Variants in DLG2 observed in about 807,000 individuals in gnomAD.
DLG2 encodes the protein disks large homolog 2.
A neutral mutation model predicts 132.5 loss-of-function variants in DLG2; 45 were observed. The ratio of observed to expected loss-of-function variants is 0.34; its 90% CI spans 0.27 to 0.44. The LOEUF (loss-of-function observed/expected upper bound fraction) is 0.44. Among genes scored for constraint, DLG2 ranks in the 20% least tolerant of loss-of-function variants. The pLI is 1.00. For synonymous variants in DLG2, 424 were observed against 419.6 expected (o/e 1.01, Z -0.13); for missense variants, 1,045 against 1,196.9 (o/e 0.87, Z 1.87).
At chr11:85,356,836 G>A (rs72951917) in intron 3 of DLG2, among the ~76,000 whole-genome samples, 2 of 151,252 alleles carry the variant, frequency 1.3e-5, no homozygotes, top group African/African-American at 4.9e-5. Flanking sequence ...AGAGATGATA[G>A]ACAGACACAC....
intron 3 of DLG2, among the ~76,000 whole-genome samples, chr11:85,582,703 A>AAAC (rs1395435423): frequency 2.1e-5 from 3 of 140,958 alleles, no homozygotes; most frequent in African/African-American, 2.6e-5. Flanking sequence ...AAAAAAAAAA[A>AAAC]AACTCGTGCA....
Position 83,751,208 on chromosome 11 carries a change from G to T in DLG2, c.1825+35482C>A, listed in dbSNP as rs572606024. ...GATACTTTCAGAAATAACATTCTTG[G>T]CTAGAGAACAGCAAGGACCTGAGCT... On this transcript the variant is annotated intron_variant, in intron 18 of 27. Transcript: ENST00000376104. 3.9e-5 allele frequency among the ~76,000 whole-genome samples: 6 copies of T among 152,302 alleles called. No homozygotes were observed. In the South Asian group the frequency reaches 1.0e-3, roughly 26 times the overall value.
At chr11:84,538,354 C>CT (rs1227279743) in intron 6 of DLG2, among the ~76,000 whole-genome samples, 1 of 152,152 alleles carries the variant, frequency 6.6e-6, no homozygotes, top group African/African-American at 2.4e-5. Context: ...TCATGGAAAT[C>CT]TTTTTTACCC....
rs536525379 is a variant in DLG2, at chr11:84,964,459, G to A, written c.357+147202C>T. ...ACAATAATGAAAAAGCTATAATGTA[G>A]CCACTAAGTCCAATTCCATTTTCAT... On this transcript the variant is annotated intron_variant, in intron 6 of 27. Transcript: ENST00000376104. Among the ~76,000 whole-genome samples, 58 of 152,072 alleles carry A rather than the reference G, an allele frequency of 3.8e-4. 1 individual carries two copies. The highest frequency in any genetic ancestry group is 4.1e-4 in the Non-Finnish European group (28 of 67,948).
chr11:83,534,843 T>A (rs1410089620), intron 20 of DLG2, among the ~76,000 whole-genome samples: 1 of 152,240 alleles, frequency 6.6e-6, no homozygotes, highest in Non-Finnish European at 1.5e-5. Flanking sequence ...CGCGGGAGGC[T>A]GAGGCAGGAG....
intron 3 of DLG2, among the ~76,000 whole-genome samples, chr11:85,586,777 G>A (rs556890188): frequency 6.6e-5 from 10 of 152,120 alleles, no homozygotes; most frequent in African/African-American, 2.4e-4. Context: ...GTTCCTTCAG[G>A]TGTGACTTTA....
intron 19 of DLG2, among the ~76,000 whole-genome samples, chr11:83,553,391 T>C (rs1207504386): frequency 1.3e-5 from 2 of 151,962 alleles, no homozygotes; most frequent in Non-Finnish European, 2.9e-5. Context: ...TAAAACATGG[T>C]AGAAACTATC....
At chr11:83,746,665 A>G (rs75993327) in intron 18 of DLG2, among the ~76,000 whole-genome samples, 1 of 152,148 alleles carries the variant, frequency 6.6e-6, no homozygotes, top group African/African-American at 2.4e-5. Context: ...AAAATGGCAC[A>G]TGTATACATA....
At chr11:84,998,242 T>G (rs1422417113) in intron 6 of DLG2, among the ~76,000 whole-genome samples, 1 of 152,002 alleles carries the variant, frequency 6.6e-6, no homozygotes, top group Non-Finnish European at 1.5e-5. Context: ...TCCCCAGGTG[T>G]CAAGGGCAGG....
chr11:83,919,089 A>G (rs973308782), intron 15 of DLG2, among the ~76,000 whole-genome samples: 1 of 152,152 alleles, frequency 6.6e-6, no homozygotes. Context: ...TGTATTGTGA[A>G]AGTGTGGAAA....
chr11:84,746,530 C>T (rs1437256106), intron 6 of DLG2, among the ~76,000 whole-genome samples: 2 of 151,334 alleles, frequency 1.3e-5, no homozygotes, highest in African/African-American at 2.4e-5. Flanking sequence ...TTAGACAAGT[C>T]ACTTAACTCT....
At chr11:84,223,624 T>C (rs939898253) in intron 8 of DLG2, among the ~76,000 whole-genome samples, 3 of 151,730 alleles carry the variant, frequency 2.0e-5, no homozygotes, top group Non-Finnish European at 4.4e-5. Flanking sequence ...TGGCACAATA[T>C]TGGCTCACTG....
At chr11:85,316,965 C>A (rs1484720695) in intron 3 of DLG2, among the ~76,000 whole-genome samples, 1 of 151,588 alleles carries the variant, frequency 6.6e-6, no homozygotes, top group Non-Finnish European at 1.5e-5. Context: ...AAAAAAGATA[C>A]AACATAGCAC....
At chr11:83,593,594 T>A (rs1373765375) in intron 19 of DLG2, among the ~76,000 whole-genome samples, 1 of 150,804 alleles carries the variant, frequency 6.6e-6, no homozygotes, top group African/African-American at 2.4e-5. Flanking sequence ...TGTATACATA[T>A]GTAACTAACC....
intron 4 of DLG2, among the ~76,000 whole-genome samples, chr11:85,279,117 A>T (rs887296890): frequency 6.6e-6 from 1 of 152,196 alleles, no homozygotes; most frequent in Non-Finnish European, 1.5e-5. Flanking sequence ...AAGTCCAATA[A>T]AGAAGAAAAT....
chr11:84,401,219 A>G (rs2154446821), intron 7 of DLG2, among the ~76,000 whole-genome samples: 1 of 152,306 alleles, frequency 6.6e-6, no homozygotes, highest in Middle Eastern at 3.4e-3. Context: ...GATGCATAGT[A>G]TATTAAAGAA....
intron 14 of DLG2, among the ~76,000 whole-genome samples, chr11:83,953,806 T>C (rs1412005252): frequency 6.6e-6 from 1 of 152,198 alleles, no homozygotes; most frequent in Non-Finnish European, 1.5e-5. Context: ...AGAAATAAGC[T>C]TCACATTGTG....
intron 18 of DLG2, among the ~76,000 whole-genome samples, chr11:83,688,661 AAATT>A (rs1391113492): frequency 1.3e-5 from 2 of 152,222 alleles, no homozygotes; most frequent in African/African-American, 4.8e-5. Context: ...GTATATATAG[AAATT>A]AATATATATT....
At chr11:84,627,032 C>T (rs949250191) in intron 6 of DLG2, among the ~76,000 whole-genome samples, 8 of 151,770 alleles carry the variant, frequency 5.3e-5, no homozygotes, top group African/African-American at 1.7e-4. Flanking sequence ...CCACCACGCC[C>T]GCTAATTTTC....
Sources: gnomAD v4.1 joint callset for allele counts (sites outside exome capture counted in the v4.1 genomes callset) on GRCh38, gnomAD v4.1.1 for gene constraint, MANE v1.5 for transcripts, NCBI Gene and HGNC (gene_info 2026-07-23, HGNC 2026-07-21) for gene names.